The following CXADR variants were observed in gnomAD, a reference collection of about 807,000 sequenced individuals.
CXADR encodes CXADR cell adhesion molecule.
Under a neutral mutation model 40.3 loss-of-function variants are expected in CXADR, and 20 were observed. The observed-to-expected ratio is 0.50, with a 90% CI of 0.35 to 0.72. The LOEUF (loss-of-function observed/expected upper bound fraction) is 0.72, where lower values mean the gene tolerates loss of function less well. CXADR is among the 30% of genes least tolerant of loss of function. CXADR has a pLI of 0.01. For synonymous variants in CXADR, 150 were observed against 161.3 expected, an observed-to-expected ratio of 0.93 and a Z score of 0.53; for missense variants, 332 against 449.1, an observed-to-expected ratio of 0.74 and a Z score of 2.36.
At chr21:17,585,257 T>TA (rs1274200827) in intron 7 of CXADR, among the ~76,000 whole-genome samples, 3 of 152,186 alleles carry the variant, frequency 2.0e-5, no homozygotes. Context: ...ATTTGTAGCT[T>TA]AAAATCTAGT....
the CXADR span, among the ~76,000 whole-genome samples, chr21:17,615,966 G>C: frequency 6.6e-6 from 1 of 152,178 alleles, no homozygotes; most frequent in Admixed American, 6.5e-5. Context: ...AAGCAAAACA[G>C]TCGGCGGGTC....
At chr21:17,628,022 C>T in the CXADR span, among the ~76,000 whole-genome samples, 1 of 152,110 alleles carries the variant, frequency 6.6e-6, no homozygotes, top group Non-Finnish European at 1.5e-5. Context: ...TCAACTTTTC[C>T]TTTTCTCAAA....
the CXADR span, among the ~76,000 whole-genome samples, chr21:17,614,297 A>T: frequency 6.6e-6 from 1 of 152,192 alleles, no homozygotes; most frequent in Non-Finnish European, 1.5e-5. Context: ...AACCACCCAC[A>T]TTACTCAAAA....
chr21:17,607,588 A>G, the CXADR span, among the ~76,000 whole-genome samples: 1 of 152,316 alleles, frequency 6.6e-6, no homozygotes, highest in South Asian at 2.1e-4. Context: ...ATGAGAAATT[A>G]GCAAATAATA....
In CXADR at chr21:17,570,089, C is replaced by T. The variant is rs1485625866; in HGVS notation, c.*4397C>T. The T allele has an allele frequency of 1.0e-6, 1 of 985,262 alleles. No individual in the cohort carries two copies. Among genetic ancestry groups the T allele is most frequent in the Non-Finnish European group, 1.2e-6 (1 of 829,918 alleles). 61.0% of individuals were successfully genotyped at this position (985,262 alleles called of 1,614,324 possible). On this transcript the variant is annotated 3_prime_UTR_variant, in exon 7 of 7. Transcript: ENST00000284878. ...ACCTTGTGTACTTTTGAAATAAAAT[C>T]AAGAAAGCAGTTCTCTGCCTCATGG...
rs1045003207 is a variant in CXADR, at chr21:17,565,974, T to G, written c.*282T>G. ...AATTTATCAGTACCTAAGTAAGATG[T>G]AGCGCTTTGAATATGAAATCATAGG... On this transcript the variant is annotated 3_prime_UTR_variant, in exon 7 of 7. Coordinates refer to ENST00000284878, the MANE Select transcript of CXADR (RefSeq NM_001338.5). The G allele has an allele frequency of 2.8e-6, 3 of 1,060,186 alleles. No individual in the cohort carries two copies. Among genetic ancestry groups the G allele is most frequent in the African/African-American group, 3.3e-5 (2 of 60,084 alleles). The allele number at this position is 1,060,186 out of a possible 1,614,324, so 65.7% of individuals were successfully genotyped here.
the CXADR span, chr21:17,608,730 C>CA: frequency 4.1e-5 from 16 of 391,508 alleles, no homozygotes; most frequent in East Asian, 6.0e-4. Flanking sequence ...GCTATAACCA[C>CA]AAAAGACTAA....
Position 17,569,202 on chromosome 21 carries a change from A to G in CXADR, c.*3510A>G, listed in dbSNP as rs1253161492. ...ATGTGAATGTTGAGTTTTTTCTTCTAATTTTCACTTCAGCAGTGTTTAGGG... is the reference window on the plus strand; with the variant it reads ...ATGTGAATGTTGAGTTTTTTCTTCTGATTTTCACTTCAGCAGTGTTTAGGG... On this transcript the variant is annotated 3_prime_UTR_variant, in exon 7 of 7. Coordinates refer to ENST00000284878, the MANE Select transcript of CXADR (RefSeq NM_001338.5). 1.0e-5 allele frequency: 10 copies of G among 985,348 alleles called. 1 individual carries two copies. In the African/African-American group the frequency reaches 1.0e-4, roughly 10 times the overall value. The allele number at this position is 985,348 out of a possible 1,614,324, so 61.0% of individuals were successfully genotyped here. A position where few individuals can be genotyped will look rare whatever the true frequency, so the allele number is the denominator to read the frequency against.
In CXADR at chr21:17,560,806, C is replaced by G; in HGVS notation, c.676C>G (p.Arg226Gly). The part of the protein sequence containing the change: ...NRVGSDQCLL[R>G]LNVVPPSNKA... Reference sequence around the variant, plus strand: ...AGTGGGCTCTGATCAGTGCCTGTTGCGTCTAAACGTTGTCCCTCGTAAGTT... The same window carrying G: ...AGTGGGCTCTGATCAGTGCCTGTTGGGTCTAAACGTTGTCCCTCGTAAGTT... The change falls in exon 5 of 7, where the codon CGT becomes GGT. Residue 226 changes from arginine (R) to glycine (G), a missense_variant. Physicochemically the swap from Arg to Gly is moderately radical, Grantham distance 125. Coordinates refer to ENST00000284878, the MANE Select transcript of CXADR (RefSeq NM_001338.5). The G allele has an allele frequency of 6.2e-7, 1 of 1,613,486 alleles. No homozygotes were observed. The highest frequency in any genetic ancestry group is 8.5e-7 in the Non-Finnish European group (1 of 1,179,690).
rs754828650 is a variant in CXADR, at chr21:17,566,182, G to C, written c.*490G>C. 45 of 983,724 alleles carry C rather than the reference G, an allele frequency of 4.6e-5. No individual in the cohort carries two copies. The highest frequency in any genetic ancestry group is 5.3e-5 in the Non-Finnish European group (44 of 828,570). The allele number at this position is 983,724 out of a possible 1,614,324, so 60.9% of individuals were successfully genotyped here. Reference sequence around the variant, plus strand: ...AAATTACTTACGTATGTTTGTACTTGGTTTTACAGCTCCTTTGAAAACTCT... The same window carrying C: ...AAATTACTTACGTATGTTTGTACTTCGTTTTACAGCTCCTTTGAAAACTCT... On this transcript the variant is annotated 3_prime_UTR_variant, in exon 7 of 7. Coordinates refer to ENST00000284878, the MANE Select transcript of CXADR (RefSeq NM_001338.5).
At chr21:17,605,778 A>G in the CXADR span, among the ~76,000 whole-genome samples, 2 of 152,190 alleles carry the variant, frequency 1.3e-5, no homozygotes, top group African/African-American at 4.8e-5. Flanking sequence ...AAGTAGGGAA[A>G]TAGGGCCTAT....
chr21:17,586,336 A>C (rs1276125839), intron 7 of CXADR, among the ~76,000 whole-genome samples: 4 of 149,630 alleles, frequency 2.7e-5, no homozygotes, highest in Non-Finnish European at 1.5e-5. Context: ...CCTGTCTTCC[A>C]ATATTTCCCA....
the CXADR span, among the ~76,000 whole-genome samples, chr21:17,616,250 C>T: frequency 5.7e-5 from 8 of 141,190 alleles, no homozygotes; most frequent in African/African-American, 2.3e-4. Context: ...AAGACACTAT[C>T]TAAAAAAGAA....
intron 1 of CXADR, among the ~76,000 whole-genome samples, chr21:17,530,114 A>ATTTTTTTTTTTTTTTTTTTTTT (rs56341807): frequency 2.1e-5 from 2 of 94,978 alleles, no homozygotes; most frequent in Non-Finnish European, 3.8e-5. Context: ...ATGCCAGGCT[A>ATTTTTTTTTTTTTTTTTTTTTT]TTTTTTTTTT....
At chr21:17,594,788 A>G (rs906533020), downstream of CXADR, among the ~76,000 whole-genome samples, 7 of 151,928 alleles carry the variant, frequency 4.6e-5, no homozygotes, top group Non-Finnish European at 1.0e-4. Flanking sequence ...AGTGGGAGGT[A>G]ATGATAAGAA....
downstream of CXADR, among the ~76,000 whole-genome samples, chr21:17,575,074 A>G (rs1280121754): frequency 1.3e-5 from 2 of 151,968 alleles, no homozygotes; most frequent in South Asian, 2.1e-4. Flanking sequence ...TAGGGGTCCA[A>G]TGCTGTCAGC....
At chr21:17,604,184 CT>C in the CXADR span, 1 of 1,254,500 alleles carries the variant, frequency 8.0e-7, no homozygotes, top group Non-Finnish European at 1.0e-6. Context: ...TGGCTCACGC[CT>C]GTAATCCAGC....
Position 17,568,168 on chromosome 21 carries a change from A to G in CXADR, c.*2476A>G, listed in dbSNP as rs2737873. The G allele has an allele frequency of 0.33, 314,959 of 945,656 alleles. 54,016 individuals carry two copies. The highest frequency in any genetic ancestry group is 0.49 in the African/African-American group (25,385 of 51,386). 58.6% of individuals were successfully genotyped at this position (945,656 alleles called of 1,614,324 possible). ...TTTTAAGACGGAGTCTCGGTCTGTC[A>G]CCCAGGCTGGAGTGCAGTGGCGGGA... On this transcript the variant is annotated 3_prime_UTR_variant, in exon 7 of 7. Coordinates refer to ENST00000284878, the MANE Select transcript of CXADR (RefSeq NM_001338.5).
chr21:17,630,416 TA>T, the CXADR span, among the ~76,000 whole-genome samples: 1 of 152,140 alleles, frequency 6.6e-6, no homozygotes, highest in Non-Finnish European at 1.5e-5. Flanking sequence ...GATGCATCCC[TA>T]AAAAATATGG....
Sources: gnomAD v4.1 joint callset for allele counts (sites outside exome capture counted in the v4.1 genomes callset) on GRCh38, gnomAD v4.1.1 for gene constraint, MANE v1.5 for transcripts, NCBI Gene and HGNC (gene_info 2026-07-23, HGNC 2026-07-21) for gene names.